The following DDX52 variants were observed in gnomAD, a reference collection of about 807,000 sequenced individuals.
The protein encoded by DDX52 is DExD-box helicase 52.
Under a neutral mutation model 76.1 loss-of-function variants are expected in DDX52, and 59 were observed. The observed-to-expected ratio is 0.78, with a 90% CI of 0.63 to 0.96. DDX52 has a LOEUF of 0.96. Ranked by LOEUF, DDX52 falls within the 40% of genes least tolerant of loss-of-function variation. The pLI, the probability that DDX52 is intolerant of heterozygous loss-of-function variation, is 0.00. For missense variants in DDX52, 707 were observed against 703.9 expected, an observed-to-expected ratio of 1.00 and a Z score of -0.05; for synonymous variants, 231 against 244.1, an observed-to-expected ratio of 0.95 and a Z score of 0.50.
chr17:37,635,564 G>A (rs1376891228), intron 2 of DDX52: 1 of 453,854 alleles, frequency 2.2e-6, no homozygotes, highest in African/African-American at 2.0e-5. Context: ...TTTATTACTA[G>A]GTAGTATTCC....
In DDX52 at chr17:37,611,696, T is replaced by C. The variant is rs113794865; in HGVS notation, c.*2600A>G. The C allele has an allele frequency of 0.16, 22,592 of 137,886 alleles. 1,915 individuals carry two copies. Among genetic ancestry groups the C allele is most frequent in the Middle Eastern group, 0.28 (70 of 248 alleles). 8.5% of individuals were successfully genotyped at this position (137,886 alleles called of 1,614,324 possible). A position where few individuals can be genotyped will look rare whatever the true frequency, so the allele number is the denominator to read the frequency against. ...TTGCAGTGAGCCGAGATCATGCCAC[T>C]GCACTCCAGCCTGGGCAACAGAGCA... On this transcript the variant is annotated 3_prime_UTR_variant, in exon 15 of 15. Coordinates refer to ENST00000617633, the MANE Select transcript of DDX52 (RefSeq NM_007010.5).
Position 37,633,307 on chromosome 17 carries a change from T to A in DDX52, c.398A>T (p.Glu133Val). 1 of 1,605,758 alleles carries A rather than the reference T, an allele frequency of 6.2e-7. No homozygotes were observed. The change falls in exon 3 of 15, where the codon GAG becomes GTG. Residue 133 changes from glutamate (E) to valine (V), a missense_variant. Glu to Val is a moderately radical substitution (Grantham distance 121). Coordinates refer to ENST00000617633, the MANE Select transcript of DDX52 (RefSeq NM_007010.5). Reference protein sequence around the residue: ...RESKLTSGKLENLRKEKINFL... With the variant: ...RESKLTSGKLVNLRKEKINFL... The stretch of plus-strand genomic sequence containing the variant: ...TCTAACCTTTTCTTTTCTGAGATTC[T>A]CCAACTTTCCGGAAGTTAGTTTACT...
At position 37,624,438 on chromosome 17, in the gene DDX52, G is replaced by A. The variant is rs1439009138; in HGVS notation, c.1137-4C>T. 6.3e-7 allele frequency: 1 copy of A among 1,594,396 alleles called. No individual in the cohort carries two copies. The highest frequency in any genetic ancestry group is 2.3e-5 in the East Asian group (1 of 44,270). On this transcript the variant is annotated splice_region_variant and splice_polypyrimidine_tract_variant and intron_variant, in intron 8 of 14. Transcript: ENST00000617633. ...TACAGTTTCTACTGCAGAATTCCTGGGAAGAAAATATACCTTGTAGTTTGT... is the reference window on the plus strand; with the variant it reads ...TACAGTTTCTACTGCAGAATTCCTGAGAAGAAAATATACCTTGTAGTTTGT...
At position 37,632,293 on chromosome 17, in the gene DDX52, G is replaced by C; in HGVS notation, c.423C>G (p.Asn141Lys). 1.2e-6 allele frequency: 2 copies of C among 1,614,022 alleles called. No homozygotes were observed. Among genetic ancestry groups the C allele is most frequent in the Non-Finnish European group, 1.7e-6 (2 of 1,179,970 alleles). ...KLENLRKEKI[N>K]FLRNKHKIHV... The stretch of plus-strand genomic sequence containing the variant: ...GAATTTTGTGTTTATTCCGCAAGAA[G>C]TTTATCTGAAAAGTGAAGTAAAGAG... The change falls in exon 4 of 15, where the codon AAC (asparagine) becomes AAG (lysine). Residue 141 changes from asparagine to lysine, a missense_variant. Transcript: ENST00000617633.
chr17:37,640,644 T>C (rs1197867525), intron 2 of DDX52, among the ~76,000 whole-genome samples: 1 of 147,326 alleles, frequency 6.8e-6, no homozygotes, highest in East Asian at 2.0e-4. Context: ...AAACTTAATA[T>C]TATAGATTAA....
chr17:37,614,164 G>C lies in DDX52; in HGVS notation c.*132C>G. 2.2e-6 allele frequency: 2 copies of C among 905,202 alleles called. No homozygotes were observed. Among genetic ancestry groups the C allele is most frequent in the Non-Finnish European group, 1.6e-6 (1 of 611,570 alleles). The allele number at this position is 905,202 out of a possible 1,614,324, so 56.1% of individuals were successfully genotyped here. ...GATAGTTTAGGATCATTTATCACCA[G>C]TCCCATGTACTTGTAGTTGATTTCA... On this transcript the variant is annotated 3_prime_UTR_variant, in exon 15 of 15. Coordinates refer to ENST00000617633, the MANE Select transcript of DDX52 (RefSeq NM_007010.5).
chr17:37,621,646 G>T, intron 9 of DDX52, 126 bp from the exon 10 acceptor site: 1 of 1,266,596 alleles, frequency 7.9e-7, no homozygotes, highest in Non-Finnish European at 1.1e-6. Flanking sequence ...CAAATTTCTT[G>T]GGCTAGTGGT....
intron 5 of DDX52, among the ~76,000 whole-genome samples, chr17:37,629,164 T>G (rs2030543852): frequency 6.6e-6 from 1 of 150,402 alleles, no homozygotes; most frequent in African/African-American, 2.5e-5. Flanking sequence ...GAGGTTGCAG[T>G]GAGCCGAGAT....
At chr17:37,635,562 TA>T (rs1227632943) in intron 2 of DDX52, 6 of 453,848 alleles carry the variant, frequency 1.3e-5, no homozygotes, top group African/African-American at 1.2e-4. Context: ...GTTTTATTAC[TA>T]GGTAGTATTC....
chr17:37,618,776 C>T (rs147037294), intron 13 of DDX52, among the ~76,000 whole-genome samples: 1 of 152,286 alleles, frequency 6.6e-6, no homozygotes, highest in Non-Finnish European at 1.5e-5. Context: ...TGAGCTACCA[C>T]GCTCAGCCAC....
At chr17:37,638,574 G>A (rs569643574) in intron 2 of DDX52, among the ~76,000 whole-genome samples, 16 of 152,154 alleles carry the variant, frequency 1.1e-4, no homozygotes, top group African/African-American at 3.6e-4. Context: ...ATGGTATTAA[G>A]ACAATTAGTC....
chr17:37,643,227 G>T, intron 1 of DDX52, 107 bp downstream of exon 1: 1 of 1,202,770 alleles, frequency 8.3e-7, no homozygotes, highest in Non-Finnish European at 1.2e-6. Flanking sequence ...GGTGGCGAGA[G>T]CCAGGCCACG....
At chr17:37,635,531 A>G (rs2030882867) in intron 2 of DDX52, 2 of 448,458 alleles carry the variant, frequency 4.5e-6, no homozygotes, top group Admixed American at 2.4e-5. Flanking sequence ...CCTATGTTGC[A>G]CCATGTATCA....
Position 37,612,700 on chromosome 17 carries a change from T to C in DDX52, c.*1596A>G, listed in dbSNP as rs948462338. On this transcript the variant is annotated 3_prime_UTR_variant, in exon 15 of 15. Coordinates refer to ENST00000617633, the MANE Select transcript of DDX52 (RefSeq NM_007010.5). ...CATTGTAAGGGTAAGGACTGTGTTATCAAGCCTGTATTCCTAACAAAATCT... is the reference window on the plus strand; with the variant it reads ...CATTGTAAGGGTAAGGACTGTGTTACCAAGCCTGTATTCCTAACAAAATCT... 4.6e-5 allele frequency: 7 copies of C among 152,252 alleles called. No homozygotes were observed. The highest frequency in any genetic ancestry group is 1.0e-4 in the Non-Finnish European group (7 of 68,048). The allele number at this position is 152,252 out of a possible 1,614,324, so 9.4% of individuals were successfully genotyped here.
chr17:37,633,237 T>A (rs763328156), intron 3 of DDX52, 51 bp downstream of exon 3: 4 of 1,524,916 alleles, frequency 2.6e-6, no homozygotes, highest in Middle Eastern at 4.9e-4. Flanking sequence ...AGCGAATAAG[T>A]CACTAGGTCA....
Position 37,633,387 on chromosome 17 carries a change from T to C in DDX52, c.318A>G (p.Ile106Met), listed in dbSNP as rs1478331395. 1.9e-6 allele frequency: 3 copies of C among 1,597,152 alleles called. No individual in the cohort carries two copies. Among genetic ancestry groups the C allele is most frequent in the East Asian group, 2.3e-5 (1 of 44,390 alleles). Reference protein sequence around the residue: ...EIASQEEGATIQWMSSVEAKI... With the variant: ...EIASQEEGATMQWMSSVEAKI... ...TTGCTTCTACAGATGACATCCACTG[T>C]ATAGTAGCACCTTCTTCTTGGGAAG... The change falls in exon 3 of 15, where the codon ATA becomes ATG. Residue 106 changes from isoleucine (I) to methionine (M), a missense_variant. By Grantham distance (10) the Ile-to-Met change is conservative. Transcript: ENST00000617633.
At chr17:37,625,687 T>C (rs2030330376) in intron 8 of DDX52, among the ~76,000 whole-genome samples, 2 of 152,154 alleles carry the variant, frequency 1.3e-5, no homozygotes, top group African/African-American at 4.8e-5. Flanking sequence ...ATGACAGGAA[T>C]GTTAATATGA....
In DDX52 at chr17:37,621,453, A is replaced by AG; in HGVS notation, c.1294dup (p.Leu432ProfsTer4). On this transcript the variant is annotated frameshift_variant, in exon 10 of 15. Transcript: ENST00000617633. LOFTEE classifies it high-confidence loss of function. The stretch of plus-strand genomic sequence containing the variant: ...ATCCACATTAATACCTTCATATATG[A>AG]GCTCATGAAAAAGTTCTTTAGCCCT... 5.0e-6 allele frequency: 8 copies of AG among 1,613,856 alleles called. No individual in the cohort carries two copies. Among genetic ancestry groups the AG allele is most frequent in the Non-Finnish European group, 6.8e-6 (8 of 1,179,904 alleles).
rs2064387720 is a variant in DDX52, at chr17:37,613,237, G to C, written c.*1059C>G. On this transcript the variant is annotated 3_prime_UTR_variant, in exon 15 of 15. Transcript: ENST00000617633. Reference sequence around the variant, plus strand: ...TTCCATTGTACAAAACTCATATTTTGAGAAAAATCTAATAGCTAATAGTCT... The same window carrying C: ...TTCCATTGTACAAAACTCATATTTTCAGAAAAATCTAATAGCTAATAGTCT... 1 of 152,108 alleles carries C rather than the reference G, an allele frequency of 6.6e-6. No homozygotes were observed. Among genetic ancestry groups the C allele is most frequent in the African/African-American group, 2.4e-5 (1 of 41,414 alleles). The allele number at this position is 152,108 out of a possible 1,614,324, so 9.4% of individuals were successfully genotyped here. A position where few individuals can be genotyped will look rare whatever the true frequency, so the allele number is the denominator to read the frequency against.
Sources: gnomAD v4.1 joint callset for allele counts (sites outside exome capture counted in the v4.1 genomes callset) on GRCh38, gnomAD v4.1.1 for gene constraint, MANE v1.5 for transcripts, NCBI Gene and HGNC (gene_info 2026-07-23, HGNC 2026-07-21) for gene names.